The following LCMT1 variants were observed in gnomAD, a reference collection of about 807,000 sequenced individuals.
The protein encoded by LCMT1 is [Phosphatase 2A protein]-leucine-carboxy methyltransferase 1.
LCMT1 carries 32 observed loss-of-function variants against 47.7 expected under a neutral mutation model. That is an observed-to-expected ratio of 0.67 (90% CI 0.51 to 0.90). The LOEUF is 0.90. LCMT1 is among the 40% of genes least tolerant of loss of function. LCMT1 has a pLI of 0.00. For synonymous variants in LCMT1, 152 were observed against 149.7 expected, an observed-to-expected ratio of 1.02 and a Z score of -0.11; for missense variants, 375 against 415.2, an observed-to-expected ratio of 0.90 and a Z score of 0.84.
At chr16:25,177,583 T>C (rs1961985997) in intron 10 of LCMT1, among the ~76,000 whole-genome samples, 1 of 152,236 alleles carries the variant, frequency 6.6e-6, no homozygotes, top group African/African-American at 2.4e-5. Flanking sequence ...GTAATACTTT[T>C]AAGTGAACTC....
chr16:25,136,441 A>G (rs115968571), intron 3 of LCMT1, among the ~76,000 whole-genome samples: 6,337 of 150,018 alleles, frequency 0.042, 275 homozygotes, highest in East Asian at 0.14. Context: ...TGTCACAGCC[A>G]TTTTGCCCCT....
In LCMT1 at chr16:25,160,986, AT is replaced by A. The variant is rs11408755; in HGVS notation, c.467-104del. 1,429 of 500,538 alleles carry A rather than the reference AT, an allele frequency of 2.9e-3. 1 individual carries two copies. Among genetic ancestry groups the A allele is most frequent in the South Asian group, 4.1e-3 (155 of 37,848 alleles). 31.0% of individuals were successfully genotyped at this position (500,538 alleles called of 1,614,324 possible). ...GTTAATTTTTACCCTCCTCTTACGT[AT>A]TTTTTTTTTTTAACAATGATGCATG... On this transcript the variant is annotated intron_variant, in intron 5 of 10. Coordinates refer to ENST00000399069, the MANE Select transcript of LCMT1 (RefSeq NM_016309.3).
intron 3 of LCMT1, among the ~76,000 whole-genome samples, chr16:25,137,681 C>T (rs1960543525): frequency 1.3e-5 from 2 of 151,112 alleles, no homozygotes; most frequent in South Asian, 2.1e-4. Context: ...TGGGCTCACG[C>T]ACTCCTCCTG....
chr16:25,151,679 AG>A, intron 5 of LCMT1, 64 bp downstream of exon 5: 1 of 1,220,616 alleles, frequency 8.2e-7, no homozygotes, highest in Non-Finnish European at 1.2e-6. Flanking sequence ...CCCTTTTTGA[AG>A]ATGGGGTTTG....
intron 1 of LCMT1, among the ~76,000 whole-genome samples, chr16:25,125,479 A>G (rs542391167): frequency 7.9e-4 from 121 of 152,286 alleles, no homozygotes; most frequent in African/African-American, 2.8e-3. Flanking sequence ...TGCCAGTTTA[A>G]GGTTCCGGCA....
chr16:25,111,944 G>T lies in LCMT1; in HGVS notation c.61G>T (p.Ala21Ser). Residue 21 changes from alanine (A) to serine (S), a missense_variant, in exon 1 of 11, where the codon GCA becomes TCA. Transcript: ENST00000399069. Reference sequence around the variant, plus strand: ...CTGCTGTTCCACCTCGAGCTGCGACGCAGACGACGAGGGCGTGCGCGGCAC... The same window carrying T: ...CTGCTGTTCCACCTCGAGCTGCGACTCAGACGACGAGGGCGTGCGCGGCAC... ...TSCCSTSSCD[A>S]DDEGVRGTCE... 1 of 1,613,612 alleles carries T rather than the reference G, an allele frequency of 6.2e-7. No homozygotes were observed. Among genetic ancestry groups the T allele is most frequent in the Non-Finnish European group, 8.5e-7 (1 of 1,179,744 alleles).
rs200277137 is a variant in LCMT1, at chr16:25,140,253, T to A, written c.404+6T>A. ...AGAAAGCTGCACAGTATCAAGTAAG[T>A]GTGGCATGGCCAGAAGAACAAAAGC... On this transcript the variant is annotated splice_donor_region_variant and intron_variant, in intron 4 of 10. Coordinates refer to ENST00000399069, the MANE Select transcript of LCMT1 (RefSeq NM_016309.3). The A allele has an allele frequency of 6.3e-7, 1 of 1,586,278 alleles. No individual in the cohort carries two copies. Among genetic ancestry groups the A allele is most frequent in the Non-Finnish European group, 8.6e-7 (1 of 1,163,384 alleles).
chr16:25,144,173 G>T (rs1021233595), intron 4 of LCMT1: 1 of 152,254 alleles, frequency 6.6e-6, no homozygotes, highest in Non-Finnish European at 1.5e-5. Flanking sequence ...TTTGCCTGGG[G>T]AATTTTTAAC....
intron 1 of LCMT1, among the ~76,000 whole-genome samples, chr16:25,120,043 C>G (rs763036066): frequency 6.6e-6 from 1 of 151,572 alleles, no homozygotes; most frequent in South Asian, 2.1e-4. Context: ...GCCTGTAATC[C>G]TAGCTACTTG....
At chr16:25,158,357 C>T (rs957257291) in intron 5 of LCMT1, among the ~76,000 whole-genome samples, 6 of 152,192 alleles carry the variant, frequency 3.9e-5, no homozygotes, top group Non-Finnish European at 8.8e-5. Context: ...AGGCTGGTCT[C>T]GAACTGGCCT....
At chr16:25,161,405 G>A (rs1413692357) in intron 6 of LCMT1, among the ~76,000 whole-genome samples, 1 of 148,526 alleles carries the variant, frequency 6.7e-6, no homozygotes, top group African/African-American at 2.5e-5. Context: ...TGCCCAGGCT[G>A]AGTGCAATGG....
intron 1 of LCMT1, 93 bp from the exon 2 acceptor site, chr16:25,128,382 G>A: frequency 1.1e-6 from 1 of 891,842 alleles, no homozygotes; most frequent in Non-Finnish European, 1.7e-6. Flanking sequence ...TTTTCGTCGA[G>A]TTCCTTGATC....
intron 5 of LCMT1, among the ~76,000 whole-genome samples, chr16:25,157,427 C>T (rs1457671602): frequency 2.6e-5 from 4 of 151,790 alleles, no homozygotes; most frequent in Non-Finnish European, 5.9e-5. Flanking sequence ...TGGTGGTGCA[C>T]GTCTGTGGTC....
chr16:25,115,929 C>T (rs1830171959), intron 1 of LCMT1, among the ~76,000 whole-genome samples: 1 of 152,206 alleles, frequency 6.6e-6, no homozygotes, highest in South Asian at 2.1e-4. Context: ...CCACCTGCCT[C>T]AGCCCCTCAA....
intron 5 of LCMT1, among the ~76,000 whole-genome samples, chr16:25,160,606 G>A (rs1461829098): frequency 6.6e-6 from 1 of 152,168 alleles, no homozygotes; most frequent in African/African-American, 2.4e-5. Context: ...GATGCTTCAT[G>A]ATGTCTATAC....
intron 7 of LCMT1, among the ~76,000 whole-genome samples, chr16:25,167,021 T>C (rs1244237747): frequency 6.6e-6 from 1 of 152,208 alleles, no homozygotes; most frequent in Middle Eastern, 3.2e-3. Context: ...TTCCTTAGTT[T>C]GTGTATTCTT....
intron 2 of LCMT1, 93 bp downstream of exon 2, chr16:25,128,659 C>G (rs1960261207): frequency 1.1e-6 from 1 of 935,934 alleles, no homozygotes. Context: ...TGCTCCCTTT[C>G]CAGCTGTGCG....
At chr16:25,114,777 C>T (rs943690899) in intron 1 of LCMT1, among the ~76,000 whole-genome samples, 6 of 152,120 alleles carry the variant, frequency 3.9e-5, no homozygotes, top group African/African-American at 4.8e-5. Flanking sequence ...CTTCTCATGC[C>T]CTGTGTATCT....
chr16:25,161,085 T>C lies in LCMT1; in HGVS notation c.467-17T>C. 1 of 1,498,172 alleles carries C rather than the reference T, an allele frequency of 6.7e-7. No individual in the cohort carries two copies. The highest frequency in any genetic ancestry group is 9.2e-7 in the Non-Finnish European group (1 of 1,084,188). The allele number at this position is 1,498,172 out of a possible 1,614,324, so 92.8% of individuals were successfully genotyped here. On this transcript the variant is annotated splice_polypyrimidine_tract_variant and intron_variant, in intron 5 of 10. Coordinates refer to ENST00000399069, the MANE Select transcript of LCMT1 (RefSeq NM_016309.3). ...AGACATATTCATTAAAATTATAGCC[T>C]CTGATTGCATTTGCAGATGGACACA...
Sources: allele counts gnomAD v4.1 joint callset (sites outside exome capture counted in the v4.1 genomes callset), GRCh38; gene constraint gnomAD v4.1.1; transcripts MANE v1.5; gene names NCBI Gene and HGNC (gene_info 2026-07-23, HGNC 2026-07-21).